Variants in GEMIN8 observed in about 807,000 individuals in gnomAD.
The protein encoded by GEMIN8 is gem nuclear organelle associated protein 8.
For missense variants in GEMIN8, 185 were observed against 205.9 expected, an observed-to-expected ratio of 0.90 and a Z score of 0.62; for synonymous variants, 80 against 78.5, an observed-to-expected ratio of 1.02 and a Z score of -0.10.
chrX:14,002,123 A>AAAAG (rs1922990373), downstream of GEMIN8, among the ~76,000 whole-genome samples: 1 of 105,233 alleles, frequency 9.5e-6, no homozygotes, highest in African/African-American at 3.4e-5. Context: ...AAAAAAAAAA[A>AAAAG]GTTTGTTAAA....
At chrX:14,029,439 T>A (rs1924868745) in intron 1 of GEMIN8, 2 of 111,899 alleles carry the variant, frequency 1.8e-5, no homozygotes, top group Non-Finnish European at 3.8e-5. Flanking sequence ...TGGGCAGCTT[T>A]AAAAACTACC....
the GEMIN8 span, among the ~76,000 whole-genome samples, chrX:13,988,084 G>C: frequency 4.5e-5 from 5 of 111,516 alleles, no homozygotes; most frequent in Non-Finnish European, 9.4e-5. Flanking sequence ...CATTCCCTGG[G>C]GCTCAGTACA....
the GEMIN8 span, among the ~76,000 whole-genome samples, chrX:13,986,432 G>C: frequency 1.5e-3 from 169 of 112,399 alleles, no homozygotes; most frequent in Non-Finnish European, 2.9e-3. Flanking sequence ...GTCCAGAGCT[G>C]GTGTGTGGCT....
downstream of GEMIN8, among the ~76,000 whole-genome samples, chrX:14,006,386 C>A (rs1017061854): frequency 9.1e-6 from 1 of 110,183 alleles, no homozygotes; most frequent in African/African-American, 3.3e-5. Flanking sequence ...TACACAGGGA[C>A]ACAGGGAGAA....
At chrX:14,014,930 C>T (rs1432091841) in intron 4 of GEMIN8, among the ~76,000 whole-genome samples, 1 of 111,657 alleles carries the variant, frequency 9.0e-6, no homozygotes, top group Non-Finnish European at 1.9e-5. Flanking sequence ...ACAGCTGCCC[C>T]GCGGTGCTCC....
intron 4 of GEMIN8, among the ~76,000 whole-genome samples, chrX:14,010,844 T>C (rs1169142893): frequency 8.9e-6 from 1 of 112,301 alleles, no homozygotes; most frequent in East Asian, 2.8e-4. Context: ...AACCAAAATA[T>C]TGGCCTAATA....
At chrX:13,998,887 A>T in the GEMIN8 span, among the ~76,000 whole-genome samples, 1 of 112,227 alleles carries the variant, frequency 8.9e-6, no homozygotes, top group Non-Finnish European at 1.9e-5. Context: ...TACCTTGTAA[A>T]GGCTGAATCC....
At chrX:14,025,463 G>T (rs1924637270) in intron 2 of GEMIN8, among the ~76,000 whole-genome samples, 1 of 111,430 alleles carries the variant, frequency 9.0e-6, no homozygotes, top group African/African-American at 3.3e-5. Context: ...AACACATTTT[G>T]AAGTTGTATA....
the GEMIN8 span, among the ~76,000 whole-genome samples, chrX:13,997,320 G>T: frequency 1.8e-5 from 2 of 111,153 alleles, no homozygotes; most frequent in Admixed American, 9.6e-5. Flanking sequence ...CTGGAGACAT[G>T]TGGCCCAGTT....
At chrX:14,010,760 C>T (rs1321891330) in intron 4 of GEMIN8, among the ~76,000 whole-genome samples, 1 of 111,975 alleles carries the variant, frequency 8.9e-6, no homozygotes, top group Non-Finnish European at 1.9e-5. Flanking sequence ...CTATCAAACA[C>T]AATAAAAGCT....
At chrX:14,025,409 A>G (rs1292871239) in intron 2 of GEMIN8, among the ~76,000 whole-genome samples, 1 of 111,301 alleles carries the variant, frequency 9.0e-6, no homozygotes, top group Non-Finnish European at 1.9e-5. Context: ...GAAGTACAAA[A>G]AACAGGCTGT....
chrX:14,004,330 TG>T, downstream of GEMIN8, among the ~76,000 whole-genome samples: 1 of 112,161 alleles, frequency 8.9e-6, no homozygotes, highest in South Asian at 3.7e-4. Context: ...GCACTTAATT[TG>T]TTTCCAATTG....
At chrX:13,998,988 T>C in the GEMIN8 span, among the ~76,000 whole-genome samples, 2 of 112,165 alleles carry the variant, frequency 1.8e-5, no homozygotes, top group African/African-American at 6.5e-5. Flanking sequence ...AGTCTTTTTT[T>C]AGACAGATAA....
chrX:13,990,594 T>C, the GEMIN8 span, among the ~76,000 whole-genome samples: 1 of 112,722 alleles, frequency 8.9e-6, no homozygotes, highest in African/African-American at 3.2e-5. Context: ...ACCCCCAGGC[T>C]GCTCTCCAGG....
intron 4 of GEMIN8, among the ~76,000 whole-genome samples, chrX:14,009,533 C>CTGG (rs1923389934): frequency 9.0e-6 from 1 of 110,659 alleles, no homozygotes; most frequent in Admixed American, 9.6e-5. Context: ...GGTGACAAAG[C>CTGG]CAGACCCGGT....
downstream of GEMIN8, among the ~76,000 whole-genome samples, chrX:14,005,135 A>G (rs760802449): frequency 9.0e-6 from 1 of 111,407 alleles, no homozygotes; most frequent in South Asian, 3.9e-4. Context: ...GGTTCCTGAC[A>G]CAGAGCTCCT....
chrX:14,019,513 G>A (rs1320080626), intron 4 of GEMIN8, among the ~76,000 whole-genome samples: 5 of 111,691 alleles, frequency 4.5e-5, no homozygotes, highest in Admixed American at 9.5e-5. Flanking sequence ...TAAGATTTGG[G>A]ACCTCTAGCA....
chrX:14,018,725 C>CTTCT (rs1203232455), intron 4 of GEMIN8, among the ~76,000 whole-genome samples: 19 of 108,911 alleles, frequency 1.7e-4, no homozygotes, highest in Admixed American at 5.9e-4. Context: ...TTTGGATATA[C>CTTCT]TTCTTTCTTT....
At chrX:14,001,560 C>T in the GEMIN8 span, among the ~76,000 whole-genome samples, 1 of 111,236 alleles carries the variant, frequency 9.0e-6, no homozygotes, top group African/African-American at 3.3e-5. Context: ...CTCACTCTGT[C>T]GCCAGGCTAG....
Sources: allele counts gnomAD v4.1 joint callset (sites outside exome capture counted in the v4.1 genomes callset), GRCh38; gene constraint gnomAD v4.1.1; transcripts MANE v1.5; gene names NCBI Gene and HGNC (gene_info 2026-07-23, HGNC 2026-07-21).